SNUPN: variants seen among roughly 807,000 people sequenced by gnomAD.
SNUPN encodes snurportin 1.
A neutral mutation model predicts 39.2 loss-of-function variants in SNUPN; 31 were observed. That is an observed-to-expected ratio of 0.79 (90% CI 0.59 to 1.07). The LOEUF is 1.07. SNUPN is among the 50% of genes least tolerant of loss of function. SNUPN has a pLI of 0.00. For synonymous variants in SNUPN, 132 were observed against 159.0 expected, an observed-to-expected ratio of 0.83 and a Z score of 1.28; for missense variants, 382 against 434.2, an observed-to-expected ratio of 0.88 and a Z score of 1.07.
intron 3 of SNUPN, 29 bp downstream of exon 3, chr15:75,617,379 C>A: frequency 6.2e-7 from 1 of 1,607,174 alleles, no homozygotes; most frequent in Non-Finnish European, 8.5e-7. Context: ...GTGAGATTAG[C>A]TGGGTCTCAT....
chr15:75,598,185 T>C lies in SNUPN; in HGVS notation c.*173A>G. ...CTGAATGCTACGCAATCTGGGAACC[T>C]CCCCATAACTGTTTGAGCCAGCATT... is the stretch of plus-strand genomic sequence containing the variant. On this transcript the variant is annotated 3_prime_UTR_variant, in exon 9 of 9. Transcript: ENST00000308588. The C allele has an allele frequency of 3.5e-6, 2 of 574,936 alleles. No individual in the cohort carries two copies. The highest frequency in any genetic ancestry group is 6.1e-6 in the Non-Finnish European group (2 of 326,808). 35.6% of individuals were successfully genotyped at this position (574,936 alleles called of 1,614,324 possible).
rs756450065 is a variant in SNUPN, at chr15:75,598,727, CAT to C, written c.760-48_760-47del. On this transcript the variant is annotated intron_variant, in intron 8 of 8. Coordinates refer to ENST00000308588, the MANE Select transcript of SNUPN (RefSeq NM_005701.4). ...GAGGATCAAATGACTTCTGGGGCCA[CAT>C]GTTTCCAGGAGAGCCTATACACACA... is the stretch of plus-strand genomic sequence containing the variant. The C allele has an allele frequency of 1.5e-5, 22 of 1,486,876 alleles. No homozygotes were observed. The East Asian group carries it at 1.6e-4, about 11-fold the overall frequency. 92.1% of individuals were successfully genotyped at this position (1,486,876 alleles called of 1,614,324 possible).
chr15:75,615,761 C>T (rs1402326594), intron 3 of SNUPN, among the ~76,000 whole-genome samples: 10 of 151,888 alleles, frequency 6.6e-5, no homozygotes, highest in South Asian at 2.1e-4. Flanking sequence ...GCCACCACCA[C>T]GCCTGGCTAA....
chr15:75,607,417 C>G, intron 5 of SNUPN, 104 bp from the exon 6 acceptor site: 1 of 752,794 alleles, frequency 1.3e-6, no homozygotes, highest in East Asian at 2.6e-5. Flanking sequence ...TCCAACAATC[C>G]TCAGTGCTTG....
At chr15:75,612,181 C>A (rs920046240) in intron 3 of SNUPN, among the ~76,000 whole-genome samples, 1 of 152,010 alleles carries the variant, frequency 6.6e-6, no homozygotes, top group Non-Finnish European at 1.5e-5. Context: ...TACAGGCACA[C>A]GCCACTACGC....
chr15:75,620,770 A>C, intron 2 of SNUPN, 124 bp downstream of exon 2: 1 of 832,624 alleles, frequency 1.2e-6, no homozygotes, highest in Non-Finnish European at 1.9e-6. Context: ...ACCTGTGGGC[A>C]AGAAGATCAG....
At position 75,609,995 on chromosome 15, in the gene SNUPN, C is replaced by G; in HGVS notation, c.304-1G>C. On this transcript the variant is annotated splice_acceptor_variant, in intron 3 of 8. Transcript: ENST00000308588. LOFTEE classifies it high-confidence loss of function. The stretch of plus-strand genomic sequence containing the variant: ...CAATTAACCACTCAGAAAGCATCAA[C>G]TGGAAATGCAAAAAATAGTGTTAAA... 1 of 1,612,222 alleles carries G rather than the reference C, an allele frequency of 6.2e-7. No individual in the cohort carries two copies. Among genetic ancestry groups the G allele is most frequent in the East Asian group, 2.2e-5 (1 of 44,874 alleles).
At chr15:75,622,615 C>T (rs998296332) in intron 1 of SNUPN, 1 of 486,140 alleles carries the variant, frequency 2.1e-6, no homozygotes, top group Admixed American at 6.4e-5. Context: ...TGGCCCAGCC[C>T]TTTGGTTCTA....
chr15:75,609,690 A>G, intron 4 of SNUPN, 39 bp from the exon 5 acceptor site: 2 of 1,486,056 alleles, frequency 1.3e-6, no homozygotes, highest in Non-Finnish European at 1.9e-6. Context: ...TTAGACCTCA[A>G]GGTCTCCTCG....
intron 7 of SNUPN, among the ~76,000 whole-genome samples, chr15:75,601,828 A>T (rs1327632621): frequency 2.6e-5 from 4 of 152,094 alleles, no homozygotes; most frequent in African/African-American, 9.7e-5. Flanking sequence ...TTCTCTACTA[A>T]TTCCCCTCTA....
chr15:75,620,358 C>T (rs74845979), intron 2 of SNUPN, among the ~76,000 whole-genome samples: 24,832 of 152,178 alleles, frequency 0.16, 2,718 homozygotes, highest in Non-Finnish European at 0.24. Context: ...GCCTCAAACA[C>T]TCTTATCCTG....
rs543230596 is a variant in SNUPN at position 75,614,889 on chromosome 15, A to G, written c.303+2519T>C. Among the ~76,000 whole-genome samples, 5 of 152,288 alleles carry G rather than the reference A, an allele frequency of 3.3e-5. No individual in the cohort carries two copies. In the South Asian group the frequency reaches 1.0e-3, roughly 32 times the overall value. Reference sequence around the variant, plus strand: ...TTCATTTAATCCTTCTACCAATCCTATGAGATAAGTACTATTACTATCCCC... The same window carrying G: ...TTCATTTAATCCTTCTACCAATCCTGTGAGATAAGTACTATTACTATCCCC... On this transcript the variant is annotated intron_variant, in intron 3 of 8. Transcript: ENST00000308588.
At chr15:75,625,339 T>G (rs971260522) in intron 1 of SNUPN, 1 of 147,742 alleles carries the variant, frequency 6.8e-6, no homozygotes, top group Non-Finnish European at 1.5e-5. Context: ...TCCCTACCCC[T>G]GCTACCGGGC....
intron 7 of SNUPN, among the ~76,000 whole-genome samples, chr15:75,603,517 C>T (rs1394745726): frequency 1.3e-5 from 2 of 150,970 alleles, no homozygotes; most frequent in East Asian, 4.0e-4. Flanking sequence ...AAAAATTAGC[C>T]GGTCGTGGTG....
At chr15:75,619,451 G>A (rs1455804524) in intron 2 of SNUPN, among the ~76,000 whole-genome samples, 1 of 152,034 alleles carries the variant, frequency 6.6e-6, no homozygotes, top group Non-Finnish European at 1.5e-5. Flanking sequence ...AGATCAGCCT[G>A]AGCAATATAG....
intron 1 of SNUPN, among the ~76,000 whole-genome samples, chr15:75,624,304 G>A (rs1893159086): frequency 3.3e-5 from 5 of 151,084 alleles, no homozygotes; most frequent in Admixed American, 3.3e-4. Context: ...CCTTTATTAG[G>A]CCTATCATGC....
At chr15:75,607,080 A>G (rs1428586888) in intron 6 of SNUPN, 136 bp downstream of exon 6, 6 of 703,794 alleles carry the variant, frequency 8.5e-6, no homozygotes, top group African/African-American at 5.3e-5. Context: ...TGCAGGGAGC[A>G]TTAGATAATG....
chr15:75,617,691 C>G lies in SNUPN; in HGVS notation c.159-139G>C. 11 of 876,654 alleles carry G rather than the reference C, an allele frequency of 1.3e-5. No individual in the cohort carries two copies. In the South Asian group the frequency reaches 2.0e-4, roughly 16 times the overall value. The allele number at this position is 876,654 out of a possible 1,614,324, so 54.3% of individuals were successfully genotyped here. A position where few individuals can be genotyped will look rare whatever the true frequency, so the allele number is the denominator to read the frequency against. On this transcript the variant is annotated intron_variant, in intron 2 of 8. Transcript: ENST00000308588. Reference sequence around the variant, plus strand: ...CAACCTCCTGGGCTCAAGTGATCTTCCCACCTCAGCTTCCACAGTAGGTGG... The same window carrying G: ...CAACCTCCTGGGCTCAAGTGATCTTGCCACCTCAGCTTCCACAGTAGGTGG...
Position 75,607,278 on chromosome 15 carries a change from T to C in SNUPN, c.538A>G (p.Asn180Asp), listed in dbSNP as rs919512892. Reference protein sequence around the residue: ...TILDCIYNEVNQTYYVLDVMC... With the variant: ...TILDCIYNEVDQTYYVLDVMC... The stretch of plus-strand genomic sequence containing the variant: ...ACATCCAGAACGTAGTAGGTCTGGT[T>C]TACCTCATTGTAAATGCAATCTAGA... The change falls in exon 6 of 9, where the codon AAC becomes GAC. Residue 180 changes from asparagine (N) to aspartate (D), a missense_variant. Asn to Asp is a conservative substitution (Grantham distance 23). Coordinates refer to ENST00000308588, the MANE Select transcript of SNUPN (RefSeq NM_005701.4). 6 of 1,613,752 alleles carry C rather than the reference T, an allele frequency of 3.7e-6. No individual in the cohort carries two copies. The highest frequency in any genetic ancestry group is 4.2e-6 in the Non-Finnish European group (5 of 1,179,694).
Sources: gnomAD v4.1 joint callset for allele counts (sites outside exome capture counted in the v4.1 genomes callset) on GRCh38, gnomAD v4.1.1 for gene constraint, MANE v1.5 for transcripts, NCBI Gene and HGNC (gene_info 2026-07-23, HGNC 2026-07-21) for gene names.